ZNF644: variants seen among roughly 807,000 people sequenced by gnomAD.
ZNF644 encodes the protein zinc finger protein 644, also known as zinc finger motif enhancer binding protein 2.
Under a neutral mutation model 108.0 loss-of-function variants are expected in ZNF644, and 20 were observed. The observed-to-expected ratio is 0.19, with a 90% CI of 0.13 to 0.27. ZNF644 has a LOEUF of 0.27. ZNF644 is among the 10% of genes least tolerant of loss of function. The pLI is 1.00. For missense variants in ZNF644, 1,338 were observed against 1,548.9 expected (o/e 0.86, Z 2.29); for synonymous variants, 542 against 539.1 (o/e 1.01, Z -0.08).
intron 2 of ZNF644, among the ~76,000 whole-genome samples, chr1:90,958,232 T>TAAAAAAAAAAAAAAA (rs777224217): frequency 2.4e-5 from 1 of 41,388 alleles, no homozygotes. Flanking sequence ...GCAAAACTCC[T>TAAAAAAAAAAAAAAA]AAAAAAAAAA....
intron 4 of ZNF644, among the ~76,000 whole-genome samples, chr1:90,923,966 G>T (rs1295838680): frequency 6.6e-6 from 1 of 152,106 alleles, no homozygotes; most frequent in East Asian, 1.9e-4. Context: ...AATGGATTCA[G>T]TTAAAGAAAA....
At chr1:90,953,013 G>GAAA (rs371575306) in intron 2 of ZNF644, among the ~76,000 whole-genome samples, 1 of 94,182 alleles carries the variant, frequency 1.1e-5, no homozygotes. Flanking sequence ...TTAGACTGAG[G>GAAA]AAAAAAAAAA....
chr1:91,010,042 C>G (rs17131252), intron 1 of ZNF644, among the ~76,000 whole-genome samples: 8 of 152,116 alleles, frequency 5.3e-5, no homozygotes. Context: ...CACGCTGTAT[C>G]TGGCTGCTAA....
chr1:91,009,352 T>A (rs530184761), intron 1 of ZNF644, among the ~76,000 whole-genome samples: 1 of 152,266 alleles, frequency 6.6e-6, no homozygotes, highest in South Asian at 2.1e-4. Context: ...AAAAACTGTA[T>A]TACTTCTATT....
chr1:90,938,103 T>G lies in ZNF644; in HGVS notation c.3083-13A>C. On this transcript the variant is annotated splice_polypyrimidine_tract_variant and intron_variant, in intron 3 of 5. Coordinates refer to ENST00000337393, the MANE Select transcript of ZNF644 (RefSeq NM_201269.3). The surrounding 1 kb of genome is among the most constrained non-coding windows in gnomAD (Gnocchi z 4.2). The stretch of plus-strand genomic sequence containing the variant: ...GACTTCTCTATAGCTAGAAAAAAAT[T>G]TTTAAGAGTAATATCAGACTTTCTT... 6.2e-7 allele frequency: 1 copy of G among 1,610,688 alleles called. No homozygotes were observed. The highest frequency in any genetic ancestry group is 1.7e-4 in the Middle Eastern group (1 of 6,060).
At chr1:90,982,252 T>C (rs1260711670) in intron 2 of ZNF644, 58 bp downstream of exon 2, 6 of 1,409,204 alleles carry the variant, frequency 4.3e-6, no homozygotes, top group Non-Finnish European at 6.0e-6. Flanking sequence ...TAAGACATAA[T>C]TTTTTTGTAT....
At chr1:91,007,880 C>T (rs1327227381) in intron 1 of ZNF644, among the ~76,000 whole-genome samples, 2 of 152,002 alleles carry the variant, frequency 1.3e-5, no homozygotes, top group Non-Finnish European at 2.9e-5. Context: ...TTTGGTGATC[C>T]TTAATCTCAT....
chr1:90,934,621 T>C (rs1306809853), intron 4 of ZNF644, among the ~76,000 whole-genome samples: 1 of 152,162 alleles, frequency 6.6e-6, no homozygotes, highest in Non-Finnish European at 1.5e-5. Context: ...TGAGCAGTAT[T>C]AAGAGGTATC....
intron 4 of ZNF644, among the ~76,000 whole-genome samples, chr1:90,924,739 T>G (rs1649824066): frequency 6.6e-6 from 1 of 152,158 alleles, no homozygotes; most frequent in Non-Finnish European, 1.5e-5. Flanking sequence ...AAACATGGTA[T>G]TGATCAGATA....
At chr1:90,944,916 C>T (rs893568618) in intron 2 of ZNF644, among the ~76,000 whole-genome samples, 1 of 152,152 alleles carries the variant, frequency 6.6e-6, no homozygotes, top group Non-Finnish European at 1.5e-5. Context: ...ATCTGTTGCA[C>T]TGAATAATTG....
chr1:90,993,332 T>C (rs1471373148), intron 1 of ZNF644, among the ~76,000 whole-genome samples: 3 of 151,480 alleles, frequency 2.0e-5, no homozygotes, highest in Non-Finnish European at 4.4e-5. Flanking sequence ...ATCAACCTTA[T>C]GGCCAGTCAA....
chr1:90,958,287 T>C lies in ZNF644; in HGVS notation c.45-16978A>G, dbSNP rs554823601. Reference sequence around the variant, plus strand: ...AAATGTAACCAAGAAAGTAAAAGACTTGTGCGCTAAAAACTACAAAACATT... The same window carrying C: ...AAATGTAACCAAGAAAGTAAAAGACCTGTGCGCTAAAAACTACAAAACATT... On this transcript the variant is annotated intron_variant, in intron 2 of 5. Transcript: ENST00000337393. Among the ~76,000 whole-genome samples the C allele has an allele frequency of 2.8e-4, 40 of 141,876 alleles. No homozygotes were observed. In the South Asian group the frequency reaches 5.3e-3, roughly 19 times the overall value. 93.1% of individuals were successfully genotyped at this position (141,876 alleles called of 152,430 possible). A position where few individuals can be genotyped will look rare whatever the true frequency, so the allele number is the denominator to read the frequency against.
chr1:90,993,883 A>C (rs1477423002), intron 1 of ZNF644, among the ~76,000 whole-genome samples: 4 of 152,204 alleles, frequency 2.6e-5, no homozygotes, highest in Admixed American at 2.6e-4. Context: ...GTTATAGAGC[A>C]ATCTTCTATT....
At position 90,939,606 on chromosome 1, in the gene ZNF644, G is replaced by T; in HGVS notation, c.1748C>A (p.Ser583Ter). 6.2e-7 allele frequency: 1 copy of T among 1,613,998 alleles called. No homozygotes were observed. The highest frequency in any genetic ancestry group is 1.1e-5 in the South Asian group (1 of 91,072). The change falls in exon 3 of 6, where the codon TCA becomes TAA. Residue 583 changes from serine to a stop codon, truncating the protein, a stop_gained. Coordinates refer to ENST00000337393, the MANE Select transcript of ZNF644 (RefSeq NM_201269.3). LOFTEE classifies it high-confidence loss of function. The stretch of plus-strand genomic sequence containing the variant: ...ACACATCTTACATATGTAGGTAGCT[G>T]ATTTTTTGGATGATCCTACTACAGA... ...KDSVVGSSKK[S>*]ATYICKMCPF...
chr1:90,996,204 A>G (rs1039673362), intron 1 of ZNF644, among the ~76,000 whole-genome samples: 2 of 152,226 alleles, frequency 1.3e-5, no homozygotes, highest in African/African-American at 4.8e-5. Context: ...TATACTTAAC[A>G]AAAGACTCAT....
At chr1:90,948,971 C>A (rs1652806111) in intron 2 of ZNF644, among the ~76,000 whole-genome samples, 1 of 151,988 alleles carries the variant, frequency 6.6e-6, no homozygotes, top group Admixed American at 6.6e-5. Context: ...ATTTGCTTAA[C>A]CTCATATTTA....
At chr1:90,968,060 CAAA>C (rs763728133) in intron 2 of ZNF644, among the ~76,000 whole-genome samples, 16 of 67,256 alleles carry the variant, frequency 2.4e-4, no homozygotes, top group African/African-American at 8.1e-4. Flanking sequence ...GACTCCGTCT[CAAA>C]AAAAAAAAAA....
At chr1:91,015,617 G>GT (rs1303483712) in intron 1 of ZNF644, among the ~76,000 whole-genome samples, 1 of 152,158 alleles carries the variant, frequency 6.6e-6, no homozygotes, top group Non-Finnish European at 1.5e-5. Flanking sequence ...ATTCCCAAGT[G>GT]TATCTACTCA....
chr1:90,917,570 C>G (rs1570318582), intron 5 of ZNF644, among the ~76,000 whole-genome samples: 1 of 151,986 alleles, frequency 6.6e-6, no homozygotes. Flanking sequence ...CGATCTCGGC[C>G]CACTGCAACC....
Sources: gnomAD v4.1 joint callset for allele counts (sites outside exome capture counted in the v4.1 genomes callset) on GRCh38, gnomAD v4.1.1 for gene constraint, Gnocchi (gnomAD v3.1) non-coding constraint, MANE v1.5 for transcripts, NCBI Gene and HGNC (gene_info 2026-07-23, HGNC 2026-07-21) for gene names.